RNF152: variants seen among roughly 807,000 people sequenced by gnomAD.
RNF152 encodes E3 ubiquitin-protein ligase RNF152.
In RNF152, 11 loss-of-function variants were observed where a neutral mutation model predicts 12.7. The ratio of observed to expected loss-of-function variants is 0.86; its 90% CI spans 0.54 to 1.43. The LOEUF (loss-of-function observed/expected upper bound fraction) is 1.43, where lower values mean the gene tolerates loss of function less well. Ranked by LOEUF, RNF152 falls within the 40% of genes most tolerant of loss-of-function variation. The pLI, the probability that RNF152 is intolerant of heterozygous loss-of-function variation, is 0.00. For missense variants in RNF152, 255 were observed against 274.8 expected (o/e 0.93, Z 0.51); for synonymous variants, 113 against 120.3 (o/e 0.94, Z 0.40).
intron 1 of RNF152, among the ~76,000 whole-genome samples, chr18:61,872,971 A>C (rs1225344761): frequency 2.6e-5 from 4 of 152,308 alleles, no homozygotes; most frequent in Middle Eastern, 6.8e-3. Context: ...TTTGGTTGGT[A>C]CTTTTCAATA....
chr18:61,845,661 T>C (rs1568276354), intron 1 of RNF152, among the ~76,000 whole-genome samples: 1 of 152,218 alleles, frequency 6.6e-6, no homozygotes, highest in Non-Finnish European at 1.5e-5. Flanking sequence ...AACAAGGCTA[T>C]AGATTACTGC....
rs73458467 is a variant in RNF152 at position 61,869,058 on chromosome 18, C to T, written c.-136+23737G>A. The stretch of plus-strand genomic sequence containing the variant: ...GCATTTGAGGTTATCAGAAGAGATT[C>T]TGAGAATATTCTAACATCTCAGAGG... On this transcript the variant is annotated intron_variant, in intron 1 of 1. Transcript: ENST00000312828. Among the ~76,000 whole-genome samples the T allele has an allele frequency of 7.0e-3, 1,071 of 152,254 alleles. 5 individuals carry two copies. Among genetic ancestry groups the T allele is most frequent in the African/African-American group, 0.024 (993 of 41,548 alleles).
intron 1 of RNF152, among the ~76,000 whole-genome samples, chr18:61,890,786 A>C (rs563112674): frequency 1.3e-5 from 2 of 152,346 alleles, no homozygotes; most frequent in East Asian, 3.9e-4. Flanking sequence ...ACTCTGAGGG[A>C]ATTAGAAATG....
chr18:61,866,088 C>A (rs1911712792), intron 1 of RNF152, among the ~76,000 whole-genome samples: 1 of 152,148 alleles, frequency 6.6e-6, no homozygotes, highest in South Asian at 2.1e-4. Flanking sequence ...ATATTCCTGG[C>A]CATATACTCC....
At chr18:61,878,268 A>G (rs998611032) in intron 1 of RNF152, among the ~76,000 whole-genome samples, 2 of 152,158 alleles carry the variant, frequency 1.3e-5, no homozygotes, top group Admixed American at 1.3e-4. Context: ...ACTGATACCT[A>G]GTGGGTAGAA....
chr18:61,870,465 C>A (rs569943628), intron 1 of RNF152, among the ~76,000 whole-genome samples: 5 of 152,310 alleles, frequency 3.3e-5, no homozygotes, highest in African/African-American at 9.6e-5. Context: ...ACGCCTGTCA[C>A]CTTACCTACT....
chr18:61,828,907 G>A (rs531876818), intron 1 of RNF152, among the ~76,000 whole-genome samples: 5 of 152,270 alleles, frequency 3.3e-5, no homozygotes, highest in South Asian at 2.1e-4. Flanking sequence ...GATACTTCAC[G>A]CGGGAGTATC....
chr18:61,854,050 C>A (rs887638517), intron 1 of RNF152, among the ~76,000 whole-genome samples: 1 of 152,206 alleles, frequency 6.6e-6, no homozygotes, highest in Admixed American at 6.5e-5. Flanking sequence ...CAAGCTGATA[C>A]CTAATCTTAC....
chr18:61,885,985 CTTTTTTTTTTTTTTTT>C (rs558169838), intron 1 of RNF152, among the ~76,000 whole-genome samples: 4 of 81,694 alleles, frequency 4.9e-5, no homozygotes, highest in African/African-American at 9.2e-5. Context: ...CTTTTGCTTT[CTTTTTTTTTTTTTTTT>C]TTTTTTTTTT....
At chr18:61,864,585 G>A (rs1911644682) in intron 1 of RNF152, among the ~76,000 whole-genome samples, 1 of 152,086 alleles carries the variant, frequency 6.6e-6, no homozygotes, top group Non-Finnish European at 1.5e-5. Context: ...TGCCCACTGG[G>A]GACTAACTCC....
At chr18:61,890,193 A>C (rs1480452272) in intron 1 of RNF152, among the ~76,000 whole-genome samples, 6 of 152,324 alleles carry the variant, frequency 3.9e-5, no homozygotes, top group Admixed American at 6.5e-5. Context: ...CCCACCAAGC[A>C]CTGAGCTAGG....
intron 1 of RNF152, among the ~76,000 whole-genome samples, chr18:61,844,063 AAGAC>A (rs1356401143): frequency 9.5e-5 from 14 of 146,736 alleles, no homozygotes; most frequent in African/African-American, 3.3e-4. Flanking sequence ...GAAAGAGAGA[AAGAC>A]AGAAAGAAAG....
intron 1 of RNF152, among the ~76,000 whole-genome samples, chr18:61,863,697 C>T (rs968074186): frequency 6.6e-5 from 10 of 152,140 alleles, no homozygotes; most frequent in African/African-American, 2.4e-4. Flanking sequence ...GTACAAAGTG[C>T]GTTTTCCTGA....
At chr18:61,849,517 C>A (rs576510124) in intron 1 of RNF152, among the ~76,000 whole-genome samples, 2 of 152,298 alleles carry the variant, frequency 1.3e-5, no homozygotes, top group East Asian at 3.9e-4. Context: ...AAGTAACCTG[C>A]CCAAAGTGGC....
chr18:61,877,824 A>C (rs950750405), intron 1 of RNF152, among the ~76,000 whole-genome samples: 4 of 152,336 alleles, frequency 2.6e-5, no homozygotes, highest in South Asian at 2.1e-4. Context: ...TGCTTCAGCA[A>C]AGTCTCTTCA....
At chr18:61,817,134 T>C (rs1207767233) in intron 1 of RNF152, among the ~76,000 whole-genome samples, 1 of 152,186 alleles carries the variant, frequency 6.6e-6, no homozygotes, top group East Asian at 1.9e-4. Context: ...ATTGTTCCTC[T>C]TCACAGAGAA....
At chr18:61,882,695 G>A (rs1404543752) in intron 1 of RNF152, among the ~76,000 whole-genome samples, 1 of 152,122 alleles carries the variant, frequency 6.6e-6, no homozygotes, top group Non-Finnish European at 1.5e-5. Flanking sequence ...AGAGAGAGAG[G>A]AAATGCTGGC....
chr18:61,866,632 A>G (rs1443272221), intron 1 of RNF152, among the ~76,000 whole-genome samples: 1 of 152,128 alleles, frequency 6.6e-6, no homozygotes, highest in Non-Finnish European at 1.5e-5. Context: ...TTACTTGCAC[A>G]TGGTATTCCC....
intron 1 of RNF152, among the ~76,000 whole-genome samples, chr18:61,849,728 G>C (rs1016399355): frequency 6.6e-6 from 1 of 152,158 alleles, no homozygotes; most frequent in Non-Finnish European, 1.5e-5. Context: ...CTGTTGTTTT[G>C]GTTTGGCTTG....
Sources: allele counts gnomAD v4.1 joint callset (sites outside exome capture counted in the v4.1 genomes callset), GRCh38; gene constraint gnomAD v4.1.1; transcripts MANE v1.5; gene names NCBI Gene and HGNC (gene_info 2026-07-23, HGNC 2026-07-21).